CPLX4: variants seen among roughly 807,000 people sequenced by gnomAD.
CPLX4 encodes complexin 4.
In CPLX4, 17 loss-of-function variants were observed where a neutral mutation model predicts 16.1. The ratio of observed to expected loss-of-function variants is 1.06; its 90% CI spans 0.72 to 1.59. CPLX4 has a LOEUF of 1.59. Ranked by LOEUF, CPLX4 falls within the 40% of genes most tolerant of loss-of-function variation. The pLI, the probability that CPLX4 is intolerant of heterozygous loss-of-function variation, is 0.00. For synonymous variants in CPLX4, 55 were observed against 57.8 expected, an observed-to-expected ratio of 0.95 and a Z score of 0.22; for missense variants, 193 against 192.9, an observed-to-expected ratio of 1.00 and a Z score of 0.00.
At chr18:59,305,513 T>C (rs906919325) in intron 2 of CPLX4, among the ~76,000 whole-genome samples, 6 of 152,040 alleles carry the variant, frequency 3.9e-5, no homozygotes, top group Non-Finnish European at 8.8e-5. Context: ...TTACTGGACG[T>C]GCAGCTGGAG....
intron 2 of CPLX4, 112 bp from the exon 3 acceptor site, chr18:59,297,037 G>C (rs1256108719): frequency 1.4e-6 from 2 of 1,462,374 alleles, no homozygotes; most frequent in Admixed American, 5.5e-5. Context: ...GGAAGTGAGT[G>C]GCACTCTTGG....
At chr18:59,309,822 CA>C (rs369580193) in intron 2 of CPLX4, among the ~76,000 whole-genome samples, 21,129 of 86,276 alleles carry the variant, frequency 0.24, 1,458 homozygotes, top group South Asian at 0.36. Context: ...GACTCTGTGT[CA>C]AAAAAAAAAA....
At chr18:59,311,176 G>A (rs1278833397) in intron 2 of CPLX4, among the ~76,000 whole-genome samples, 1 of 152,162 alleles carries the variant, frequency 6.6e-6, no homozygotes, top group Non-Finnish European at 1.5e-5. Flanking sequence ...CAATGAAAGT[G>A]GAAAGGACAG....
intron 1 of CPLX4, among the ~76,000 whole-genome samples, chr18:59,317,726 T>C (rs12955815): frequency 0.056 from 8,564 of 152,184 alleles, 308 homozygotes; most frequent in Middle Eastern, 0.13. Context: ...CTTTTCTGTA[T>C]GTTTAGAATT....
chr18:59,318,211 G>C, intron 1 of CPLX4, 85 bp downstream of exon 1: 1 of 1,456,672 alleles, frequency 6.9e-7, no homozygotes, highest in Non-Finnish European at 9.1e-7. Flanking sequence ...AAAAAGCAAA[G>C]AGAAATAAAC....
intron 1 of CPLX4, among the ~76,000 whole-genome samples, chr18:59,317,064 T>G (rs2070655786): frequency 6.6e-6 from 1 of 152,182 alleles, no homozygotes; most frequent in African/African-American, 2.4e-5. Context: ...AAAAACCAAC[T>G]TTAAGTTACT....
At chr18:59,300,080 C>T (rs1373197958) in intron 2 of CPLX4, among the ~76,000 whole-genome samples, 2 of 152,182 alleles carry the variant, frequency 1.3e-5, no homozygotes, top group African/African-American at 4.8e-5. Flanking sequence ...GCCAGTAACC[C>T]CAGCTCTTTG....
At chr18:59,312,587 T>C in intron 2 of CPLX4, 98 bp downstream of exon 2, 1 of 344,944 alleles carries the variant, frequency 2.9e-6, no homozygotes, top group Non-Finnish European at 5.3e-6. Context: ...TATATATATA[T>C]ATTCATATTC....
chr18:59,299,015 C>A (rs370410526), intron 2 of CPLX4, among the ~76,000 whole-genome samples: 1 of 152,216 alleles, frequency 6.6e-6, no homozygotes, highest in Admixed American at 6.5e-5. Flanking sequence ...AGTCCCACTC[C>A]GCGCCAGCCT....
intron 2 of CPLX4, among the ~76,000 whole-genome samples, chr18:59,311,174 G>A (rs939603444): frequency 6.6e-6 from 1 of 152,198 alleles, no homozygotes; most frequent in Non-Finnish European, 1.5e-5. Flanking sequence ...GACAATGAAA[G>A]TGGAAAGGAC....
chr18:59,307,567 C>G (rs58869287), intron 2 of CPLX4, among the ~76,000 whole-genome samples: 3,764 of 152,258 alleles, frequency 0.025, 133 homozygotes, highest in African/African-American at 0.075. Context: ...AGAGCCAGCA[C>G]TGGCAGGCCT....
intron 2 of CPLX4, among the ~76,000 whole-genome samples, chr18:59,306,286 A>AT (rs1245990941): frequency 2.6e-5 from 4 of 152,252 alleles, no homozygotes; most frequent in Non-Finnish European, 5.9e-5. Context: ...GACTTTAGGC[A>AT]TTTTAAGTCC....
chr18:59,305,935 G>A (rs1334372228), intron 2 of CPLX4, among the ~76,000 whole-genome samples: 7 of 152,304 alleles, frequency 4.6e-5, no homozygotes, highest in African/African-American at 1.7e-4. Context: ...AGAGGGTGAT[G>A]TCTGCAAGCT....
At chr18:59,306,646 C>A (rs989576656) in intron 2 of CPLX4, among the ~76,000 whole-genome samples, 1 of 152,262 alleles carries the variant, frequency 6.6e-6, no homozygotes, top group Admixed American at 6.5e-5. Context: ...AGAGGAAACA[C>A]CAGCCAAATA....
Position 59,297,526 on chromosome 18 carries a change from C to T in CPLX4, c.256-601G>A, listed in dbSNP as rs140055060. ...AACTCCTGACCTCAGGCGATCCAAC[C>T]ACCCCGGCCTCCCAAAGTGCTGAAA... On this transcript the variant is annotated intron_variant, in intron 2 of 2. Transcript: ENST00000299721. Among the ~76,000 whole-genome samples the T allele has an allele frequency of 5.5e-4, 83 of 152,226 alleles. 2 individuals are homozygous for T. In the East Asian group the frequency reaches 0.015, roughly 28 times the overall value.
intron 2 of CPLX4, among the ~76,000 whole-genome samples, chr18:59,298,098 T>A (rs922590333): frequency 5.3e-5 from 8 of 151,766 alleles, no homozygotes; most frequent in Admixed American, 6.6e-5. Context: ...CCTTTATTTT[T>A]TTTTTTTTTT....
At position 59,295,942 on chromosome 18, in the gene CPLX4, A is replaced by T. The variant is rs2070496931; in HGVS notation, c.*756T>A. On this transcript the variant is annotated 3_prime_UTR_variant, in exon 3 of 3. Transcript: ENST00000299721. Reference sequence around the variant, plus strand: ...TTGCTATCACCAAGTTCAGACAAGGAGAGTTAAGCTCAACTCAAAAAGAGC... The same window carrying T: ...TTGCTATCACCAAGTTCAGACAAGGTGAGTTAAGCTCAACTCAAAAAGAGC... 1 of 152,218 alleles carries T rather than the reference A, an allele frequency of 6.6e-6. No homozygotes were observed. Among genetic ancestry groups the T allele is most frequent in the African/African-American group, 2.4e-5 (1 of 41,450 alleles). The allele number at this position is 152,218 out of a possible 1,614,324, so 9.4% of individuals were successfully genotyped here.
chr18:59,310,081 G>T (rs1237724947), intron 2 of CPLX4, among the ~76,000 whole-genome samples: 1 of 152,006 alleles, frequency 6.6e-6, no homozygotes, highest in Non-Finnish European at 1.5e-5. Context: ...CTCTTTCATG[G>T]TCTATGAGAA....
At chr18:59,310,437 C>T (rs1034460909) in intron 2 of CPLX4, among the ~76,000 whole-genome samples, 2 of 152,156 alleles carry the variant, frequency 1.3e-5, no homozygotes, top group African/African-American at 2.4e-5. Flanking sequence ...ACTGCTAAGC[C>T]TAAGGGTGTT....
Sources: gnomAD v4.1 joint callset for allele counts (sites outside exome capture counted in the v4.1 genomes callset) on GRCh38, gnomAD v4.1.1 for gene constraint, MANE v1.5 for transcripts, NCBI Gene and HGNC (gene_info 2026-07-23, HGNC 2026-07-21) for gene names.